The following PCDHGA2 variants were observed in gnomAD, a reference collection of about 807,000 sequenced individuals.
PCDHGA2 encodes the protein protocadherin gamma subfamily A, 2, also known as protocadherin gamma-A2.
PCDHGA2 carries 40 observed loss-of-function variants against 59.2 expected under a neutral mutation model. That is an observed-to-expected ratio of 0.68 (90% CI 0.52 to 0.88). The LOEUF is 0.88. Ranked by LOEUF, PCDHGA2 falls within the 40% of genes least tolerant of loss-of-function variation. The probability of loss-of-function intolerance (pLI) is 0.00; values close to 1 mark genes in which losing one functional copy is unlikely to be tolerated. For missense variants in PCDHGA2, 1,226 were observed against 1,204.0 expected (o/e 1.02, Z -0.27); for synonymous variants, 560 against 526.0 (o/e 1.06, Z -0.89).
chr5:141,389,411 CG>C, intron 1 of PCDHGA2: 2 of 1,613,568 alleles, frequency 1.2e-6, no homozygotes, highest in South Asian at 2.2e-5. Flanking sequence ...GCGCGGAGAG[CG>C]GGGTGGTGTT....
chr5:141,498,093 G>T (rs975304630), intron 2 of PCDHGA2, among the ~76,000 whole-genome samples: 4 of 152,220 alleles, frequency 2.6e-5, no homozygotes, highest in Admixed American at 1.3e-4. Context: ...AATTGTATCT[G>T]GTGGTGTGGG....
Position 141,510,977 on chromosome 5 carries a change from G to T in PCDHGA2, c.2603G>T (p.Gly868Val). 1.2e-6 allele frequency: 2 copies of T among 1,614,170 alleles called. No individual in the cohort carries two copies. Among genetic ancestry groups the T allele is most frequent in the Non-Finnish European group, 1.7e-6 (2 of 1,180,020 alleles). The change falls in exon 4 of 4, where the codon GGG becomes GTG. Residue 868 changes from glycine to valine, a missense_variant. Physicochemically the swap from Gly to Val is moderately radical, Grantham distance 109. Transcript: ENST00000394576. ...GCTGATGGGAGCTCCACCCTGGGAG[G>T]GGGTGCCGGCACCATGGGATTGAGC... ...EAADGSSTLG[G>V]GAGTMGLSAR...
intron 3 of PCDHGA2, among the ~76,000 whole-genome samples, chr5:141,510,227 C>T (rs1010123412): frequency 1.3e-5 from 2 of 150,454 alleles, no homozygotes; most frequent in African/African-American, 2.5e-5. Context: ...GAGCCGGGAT[C>T]GCGCCACTGC....
chr5:141,399,210 A>G, intron 1 of PCDHGA2: 2 of 1,613,974 alleles, frequency 1.2e-6, no homozygotes, highest in Non-Finnish European at 1.7e-6. Context: ...CTGGAACACT[A>G]ATTGCTTTGA....
At chr5:141,458,345 G>A (rs1161535708) in intron 1 of PCDHGA2, among the ~76,000 whole-genome samples, 2 of 152,112 alleles carry the variant, frequency 1.3e-5, no homozygotes, top group Non-Finnish European at 2.9e-5. Context: ...GGAGTGGAGA[G>A]TTTAATAAGC....
At chr5:141,439,500 TTCTC>T (rs1399113868) in intron 1 of PCDHGA2, among the ~76,000 whole-genome samples, 9 of 152,246 alleles carry the variant, frequency 5.9e-5, no homozygotes, top group Admixed American at 2.0e-4. Context: ...AGAAACGTCT[TTCTC>T]TCTGCTCTCA....
chr5:141,473,655 G>A (rs2099326380), intron 1 of PCDHGA2, among the ~76,000 whole-genome samples: 1 of 152,182 alleles, frequency 6.6e-6, no homozygotes, highest in Non-Finnish European at 1.5e-5. Context: ...AACAATTTGT[G>A]TGAAGGCCCT....
In PCDHGA2 at chr5:141,431,716, G is replaced by T; in HGVS notation, c.2425-63091G>T. On this transcript the variant is annotated intron_variant, in intron 1 of 3. Transcript: ENST00000394576. The surrounding 1 kb of genome is among the most constrained non-coding windows in gnomAD (Gnocchi z 4.8). ...AGTCAGGATTCTACCAGATGGAAGT[G>T]CAAGCAATGGATAATGCAGGATATT... 1 of 1,614,244 alleles carries T rather than the reference G, an allele frequency of 6.2e-7. No homozygotes were observed. Among genetic ancestry groups the T allele is most frequent in the Middle Eastern group, 1.6e-4 (1 of 6,062 alleles).
At position 141,340,127 on chromosome 5, in the gene PCDHGA2, C is replaced by T. The variant is rs372581475; in HGVS notation, c.1156C>T (p.Leu386Phe). The T allele has an allele frequency of 5.0e-5, 80 of 1,614,068 alleles. No homozygotes were observed. Among genetic ancestry groups the T allele is most frequent in the Non-Finnish European group, 4.8e-5 (57 of 1,180,014 alleles). Residue 386 changes from leucine to phenylalanine, a missense_variant, in exon 1 of 4, where the codon CTC (leucine) becomes TTC (phenylalanine). Physicochemically the swap from Leu to Phe is conservative, Grantham distance 22. Transcript: ENST00000394576. The part of the protein sequence containing the change: ...SGQNAFTTCS[L>F]PEDLPFKLEK... ...GCAGAACGCATTCACCACCTGTTCA[C>T]TCCCCGAGGATCTTCCTTTTAAGTT...
Position 141,352,397 on chromosome 5 carries a change from C to G in PCDHGA2, c.2424+11002C>G, listed in dbSNP as rs761570903. 3.7e-6 allele frequency: 6 copies of G among 1,614,058 alleles called. No homozygotes were observed. In the Admixed American group the frequency reaches 1.0e-4, roughly 27 times the overall value. ...TCTAGCGATCGCCCTGCGCCTGCGA[C>G]GTTCCTCCAGCCTCGACACTGAGGG... is the stretch of plus-strand genomic sequence containing the variant. On this transcript the variant is annotated intron_variant, in intron 1 of 3. Transcript: ENST00000394576.
Position 141,339,207 on chromosome 5 carries a change from C to T in PCDHGA2, c.236C>T (p.Pro79Leu), listed in dbSNP as rs1218871076. 6.2e-7 allele frequency: 1 copy of T among 1,613,978 alleles called. No individual in the cohort carries two copies. The highest frequency in any genetic ancestry group is 1.3e-5 in the African/African-American group (1 of 74,946). The change falls in exon 1 of 4, where the codon CCG becomes CTG. Residue 79 changes from proline to leucine, a missense_variant. By Grantham distance (98) the Pro-to-Leu change is moderately conservative. Transcript: ENST00000394576. ...RGRSQLFALN[P>L]RSGSLVTANR... The stretch of plus-strand genomic sequence containing the variant: ...AGGTCCCAGCTCTTTGCTCTGAACC[C>T]GCGAAGCGGCAGCTTGGTCACTGCG...
rs73280920 is a variant in PCDHGA2 at position 141,453,809 on chromosome 5, A to G, written c.2425-40998A>G. Among the ~76,000 whole-genome samples, 1,254 of 152,338 alleles carry G rather than the reference A, an allele frequency of 8.2e-3. 17 individuals carry two copies. Among genetic ancestry groups the G allele is most frequent in the African/African-American group, 0.029 (1,191 of 41,572 alleles). On this transcript the variant is annotated intron_variant, in intron 1 of 3. Coordinates refer to ENST00000394576, the MANE Select transcript of PCDHGA2 (RefSeq NM_018915.4). ...GTATATTAACTTTGAGTAGTTCCATAAAGGACAAACTTGGCTGCTAGCCCT... is the reference window on the plus strand; with the variant it reads ...GTATATTAACTTTGAGTAGTTCCATGAAGGACAAACTTGGCTGCTAGCCCT...
At chr5:141,422,142 G>T in intron 1 of PCDHGA2, 1 of 1,583,694 alleles carries the variant, frequency 6.3e-7, no homozygotes, top group Non-Finnish European at 8.5e-7. Flanking sequence ...TTCAAGTACG[G>T]GGGTCTCTGG....
chr5:141,505,436 T>C lies in PCDHGA2; in HGVS notation c.2527T>C (p.Phe843Leu). 1.2e-6 allele frequency: 2 copies of C among 1,614,118 alleles called. No homozygotes were observed. The highest frequency in any genetic ancestry group is 1.7e-6 in the Non-Finnish European group (2 of 1,179,998). ...DDTGTWPNNQ[F>L]DTEMLQAMIL... is the part of the protein sequence containing the mutation. ...CACCGGCACCTGGCCCAACAACCAG[T>C]TTGACACAGAGATGCTGCAAGCCAT... Residue 843 changes from phenylalanine (F) to leucine (L), a missense_variant, in exon 3 of 4, where the codon TTT becomes CTT. Phe to Leu is a conservative substitution (Grantham distance 22). Coordinates refer to ENST00000394576, the MANE Select transcript of PCDHGA2 (RefSeq NM_018915.4).
intron 2 of PCDHGA2, among the ~76,000 whole-genome samples, chr5:141,501,200 G>A (rs888856586): frequency 1.3e-5 from 2 of 151,854 alleles, no homozygotes; most frequent in African/African-American, 4.8e-5. Context: ...AATTCAGGGT[G>A]TTGTCAGGGT....
intron 2 of PCDHGA2, among the ~76,000 whole-genome samples, chr5:141,499,528 G>T (rs961802549): frequency 1.3e-5 from 2 of 152,142 alleles, no homozygotes; most frequent in African/African-American, 2.4e-5. Context: ...AAAGTAGAGA[G>T]AATGGTGTCA....
At position 141,486,804 on chromosome 5, in the gene PCDHGA2, C is replaced by G. The variant is rs755001457; in HGVS notation, c.2425-8003C>G. On this transcript the variant is annotated intron_variant, in intron 1 of 3. Transcript: ENST00000394576. This position sits in a 1 kb window ranked among gnomAD's most constrained non-coding sequence, Gnocchi z 5.0. ...CAGGCCCGGGATCGGGGCAACCCAC[C>G]CCTTAGCAGCACTGTAACAGTTCGT... 2 of 1,614,232 alleles carry G rather than the reference C, an allele frequency of 1.2e-6. No homozygotes were observed. The highest frequency in any genetic ancestry group is 3.3e-5 in the Admixed American group (2 of 60,032).
At chr5:141,376,105 C>T in intron 1 of PCDHGA2, 4 of 1,613,734 alleles carry the variant, frequency 2.5e-6, no homozygotes, top group Non-Finnish European at 2.5e-6. Flanking sequence ...TCCTGGCCGA[C>T]CTGGGCAGCC....
chr5:141,493,983 A>G lies in PCDHGA2; in HGVS notation c.2425-824A>G, dbSNP rs2099751203. Among the ~76,000 whole-genome samples the G allele has an allele frequency of 6.6e-6, 1 of 152,194 alleles. No homozygotes were observed. The highest frequency in any genetic ancestry group is 6.5e-5 in the Admixed American group (1 of 15,278). ...TGGCTGGCCAGAGCCCCACACCTTC[A>G]GCTAGGTGGGAGATGGCTACACATC... On this transcript the variant is annotated intron_variant, in intron 1 of 3. Coordinates refer to ENST00000394576, the MANE Select transcript of PCDHGA2 (RefSeq NM_018915.4). The surrounding 1 kb of genome is among the most constrained non-coding windows in gnomAD (Gnocchi z 4.3).
Sources: allele counts gnomAD v4.1 joint callset (sites outside exome capture counted in the v4.1 genomes callset), GRCh38; gene constraint gnomAD v4.1.1; non-coding constraint Gnocchi (gnomAD v3.1); transcripts MANE v1.5; gene names NCBI Gene and HGNC (gene_info 2026-07-23, HGNC 2026-07-21).